The following KCNAB2 variants were observed in gnomAD, a reference collection of about 807,000 sequenced individuals.
KCNAB2 encodes the protein voltage-gated potassium channel subunit beta-2.
Under a neutral mutation model 63.6 loss-of-function variants are expected in KCNAB2, and 29 were observed. The observed-to-expected ratio is 0.46, with a 90% CI of 0.34 to 0.62. The LOEUF (loss-of-function observed/expected upper bound fraction) is 0.62. KCNAB2 is among the 20% of genes least tolerant of loss of function. The pLI, the probability that KCNAB2 is intolerant of heterozygous loss-of-function variation, is 0.01. For synonymous variants in KCNAB2, 222 were observed against 224.2 expected (o/e 0.99, Z 0.09); for missense variants, 359 against 563.9 (o/e 0.64, Z 3.68).
At chr1:6,066,131 C>A (rs1294788351) in intron 2 of KCNAB2, among the ~76,000 whole-genome samples, 1 of 152,184 alleles carries the variant, frequency 6.6e-6, no homozygotes, top group African/African-American at 2.4e-5. Flanking sequence ...TCGGCTGGGC[C>A]GACCGGCGGC....
intron 1 of KCNAB2, among the ~76,000 whole-genome samples, chr1:6,009,734 C>T (rs955928820): frequency 2.0e-5 from 3 of 152,202 alleles, no homozygotes; most frequent in Admixed American, 6.5e-5. Context: ...TGAGGCCCTG[C>T]GGTTTCTATC....
chr1:6,044,069 C>T (rs890297717), upstream of KCNAB2, among the ~76,000 whole-genome samples: 3 of 152,172 alleles, frequency 2.0e-5, no homozygotes, highest in African/African-American at 4.8e-5. Flanking sequence ...GGGTCTCTTA[C>T]GGCCTATGGT....
In KCNAB2 at chr1:6,003,538, A is replaced by G. The variant is rs1321708830; in HGVS notation, c.-53+10750A>G. 6.6e-6 allele frequency among the ~76,000 whole-genome samples: 1 copy of G among 152,220 alleles called. No individual in the cohort carries two copies. Among genetic ancestry groups the G allele is most frequent in the Non-Finnish European group, 1.5e-5 (1 of 68,042 alleles). ...CCGTTTGTCTATAGTTCACTTAAAC[A>G]TTATTTCCTGGGAGATCCGGCAGCT... On this transcript the variant is annotated intron_variant, in intron 1 of 16. Coordinates refer to the KCNAB2 transcript ENST00000341524. This position sits in a 1 kb window ranked among gnomAD's most constrained non-coding sequence, Gnocchi z 4.1.
At position 6,051,767 on chromosome 1, in the gene KCNAB2, CA is replaced by C; in HGVS notation, c.218+14del. Reference sequence around the variant, plus strand: ...GCATGAAGTATCGGTAAGGGCCGGGCAGGGGGGCGGTGGGGTGGGAAGTCTG... The same window carrying C: ...GCATGAAGTATCGGTAAGGGCCGGGCGGGGGGCGGTGGGGTGGGAAGTCTG... On this transcript the variant is annotated intron_variant, in intron 2 of 15. Transcript: ENST00000378083. 1.1e-5 allele frequency: 17 copies of C among 1,521,356 alleles called. No individual in the cohort carries two copies. Among genetic ancestry groups the C allele is most frequent in the Non-Finnish European group, 1.5e-5 (17 of 1,137,152 alleles). 94.2% of individuals were successfully genotyped at this position (1,521,356 alleles called of 1,614,324 possible). A position where few individuals can be genotyped will look rare whatever the true frequency, so the allele number is the denominator to read the frequency against.
chr1:6,088,765 T>G (rs1324106835), intron 7 of KCNAB2, among the ~76,000 whole-genome samples: 1 of 151,448 alleles, frequency 6.6e-6, no homozygotes, highest in African/African-American at 2.4e-5. Context: ...AGGTTGAAAA[T>G]CAAAGCCCCC....
intron 15 of KCNAB2, 33 bp from the exon 16 acceptor site, chr1:6,098,452 G>A: frequency 6.2e-7 from 1 of 1,612,508 alleles, no homozygotes; most frequent in Non-Finnish European, 8.5e-7. Flanking sequence ...TCTTGTTGGT[G>A]GGATTCTGAT....
chr1:5,993,875 C>A (rs1033472588), intron 1 of KCNAB2, among the ~76,000 whole-genome samples: 8 of 152,198 alleles, frequency 5.3e-5, no homozygotes, highest in Non-Finnish European at 8.8e-5. Context: ...GGTCTTGACC[C>A]TGCGGTTAGC....
rs577465367 is a variant in KCNAB2 at position 6,028,198 on chromosome 1, G to C, written c.-52-12319G>C. The stretch of plus-strand genomic sequence containing the variant: ...TCAGATCCCACCCAGGGAAGGAATG[G>C]GCTCCTGTGTGGGCTCCTGGCTTCT... On this transcript the variant is annotated intron_variant, in intron 1 of 16. Coordinates refer to the KCNAB2 transcript ENST00000341524. The surrounding 1 kb of genome is among the most constrained non-coding windows in gnomAD (Gnocchi z 4.0). 6.6e-6 allele frequency among the ~76,000 whole-genome samples: 1 copy of C among 152,326 alleles called. No homozygotes were observed. Among genetic ancestry groups the C allele is most frequent in the South Asian group, 2.1e-4 (1 of 4,828 alleles).
chr1:6,069,326 C>A lies in KCNAB2; in HGVS notation c.219-3429C>A, dbSNP rs1663005896. 6.6e-6 allele frequency among the ~76,000 whole-genome samples: 1 copy of A among 152,218 alleles called. No individual in the cohort carries two copies. Among genetic ancestry groups the A allele is most frequent in the Non-Finnish European group, 1.5e-5 (1 of 68,040 alleles). ...GGTGGCTCCAATGAAAGGCCCCAAA[C>A]TCCTCTTTGTAAAATGACCTGTCAT... On this transcript the variant is annotated intron_variant, in intron 2 of 15. Transcript: ENST00000378083. This position sits in a 1 kb window ranked among gnomAD's most constrained non-coding sequence, Gnocchi z 5.4.
intron 1 of KCNAB2, among the ~76,000 whole-genome samples, chr1:6,009,529 C>T (rs941439023): frequency 3.3e-5 from 5 of 152,278 alleles, no homozygotes; most frequent in Non-Finnish European, 7.3e-5. Context: ...CAGCCTGATT[C>T]TGTTCTCTCC....
intron 1 of KCNAB2, among the ~76,000 whole-genome samples, chr1:6,006,953 A>G (rs1253826669): frequency 6.6e-6 from 1 of 152,016 alleles, no homozygotes; most frequent in Non-Finnish European, 1.5e-5. Context: ...GGTTCTGGGG[A>G]AGGACGGTAA....
rs1656770813 is a variant in KCNAB2 at position 5,994,114 on chromosome 1, G to A, written c.-53+1326G>A. 6.6e-6 allele frequency among the ~76,000 whole-genome samples: 1 copy of A among 152,212 alleles called. No individual in the cohort carries two copies. On this transcript the variant is annotated intron_variant, in intron 1 of 16. Coordinates refer to the KCNAB2 transcript ENST00000341524. This position sits in a 1 kb window ranked among gnomAD's most constrained non-coding sequence, Gnocchi z 5.4. ...GCAAGAACACCAAGTTCAGGCCACA[G>A]CTGTCCCACTGTCTGTCGTTTCAGG...
At chr1:6,016,650 T>C (rs1658517469) in intron 1 of KCNAB2, among the ~76,000 whole-genome samples, 1 of 152,238 alleles carries the variant, frequency 6.6e-6, no homozygotes, top group African/African-American at 2.4e-5. Context: ...TTTGGGGTGC[T>C]GCTCACACGC....
rs1007556645 is a variant in KCNAB2, at chr1:5,994,275, T to A, written c.-53+1487T>A. 6.6e-6 allele frequency among the ~76,000 whole-genome samples: 1 copy of A among 152,132 alleles called. No homozygotes were observed. The highest frequency in any genetic ancestry group is 2.4e-5 in the African/African-American group (1 of 41,404). On this transcript the variant is annotated intron_variant, in intron 1 of 16. Coordinates refer to the KCNAB2 transcript ENST00000341524. The surrounding 1 kb of genome is among the most constrained non-coding windows in gnomAD (Gnocchi z 5.4). ...AGGCCCCGCGTTGCAGGTTGCAGGGTTTGGGGACCTACGTGTGGAGAGTCA... is the reference window on the plus strand; with the variant it reads ...AGGCCCCGCGTTGCAGGTTGCAGGGATTGGGGACCTACGTGTGGAGAGTCA...
intron 1 of KCNAB2, among the ~76,000 whole-genome samples, chr1:6,026,989 T>C (rs963493353): frequency 6.6e-6 from 1 of 152,164 alleles, no homozygotes; most frequent in African/African-American, 2.4e-5. Flanking sequence ...CCCCTCCCCC[T>C]TGGGGCTGAG....
intron 4 of KCNAB2, among the ~76,000 whole-genome samples, chr1:6,079,768 T>C (rs755445421): frequency 2.6e-5 from 4 of 152,150 alleles, no homozygotes; most frequent in Admixed American, 6.6e-5. Context: ...AGTTTAGGAA[T>C]ATGACAGGGA....
At chr1:6,068,351 G>A (rs1161648120) in intron 2 of KCNAB2, among the ~76,000 whole-genome samples, 1 of 152,242 alleles carries the variant, frequency 6.6e-6, no homozygotes, top group Non-Finnish European at 1.5e-5. Flanking sequence ...CATCAGGCTG[G>A]CAGGTTTGCA....
rs573132253 is a variant in KCNAB2 at position 6,006,699 on chromosome 1, C to A, written c.-53+13911C>A. Reference sequence around the variant, plus strand: ...CACCCCTCAGCTCAGCTCCCACATCCCCCACTTCACCCTCACTCCTCAGCT... The same window carrying A: ...CACCCCTCAGCTCAGCTCCCACATCACCCACTTCACCCTCACTCCTCAGCT... On this transcript the variant is annotated intron_variant, in intron 1 of 16. Transcript: ENST00000341524. 4.9e-4 allele frequency among the ~76,000 whole-genome samples: 43 copies of A among 86,998 alleles called. 2 individuals carry two copies. Among genetic ancestry groups the A allele is most frequent in the African/African-American group, 1.2e-3 (28 of 22,594 alleles). 57.1% of individuals were successfully genotyped at this position (86,998 alleles called of 152,430 possible). A position where few individuals can be genotyped will look rare whatever the true frequency, so the allele number is the denominator to read the frequency against.
intron 1 of KCNAB2, among the ~76,000 whole-genome samples, chr1:6,004,629 C>A (rs988204587): frequency 6.7e-6 from 1 of 150,352 alleles, no homozygotes; most frequent in Admixed American, 6.7e-5. Context: ...GTGTCTGTCT[C>A]CTCTTTTTAT....
Sources: gnomAD v4.1 joint callset for allele counts (sites outside exome capture counted in the v4.1 genomes callset) on GRCh38, gnomAD v4.1.1 for gene constraint, Gnocchi (gnomAD v3.1) non-coding constraint, MANE v1.5 for transcripts, NCBI Gene and HGNC (gene_info 2026-07-23, HGNC 2026-07-21) for gene names.